Variants in FANCC observed in about 807,000 individuals in gnomAD.
FANCC encodes Fanconi anemia group C protein.
A neutral mutation model predicts 71.3 loss-of-function variants in FANCC; 55 were observed. The observed-to-expected ratio is 0.77, with a 90% CI of 0.62 to 0.97. The LOEUF is 0.97. Among genes scored for constraint, FANCC ranks in the 50% least tolerant of loss-of-function variants. FANCC has a pLI of 0.00. For missense variants in FANCC, 678 were observed against 670.9 expected (o/e 1.01, Z -0.12); for synonymous variants, 275 against 244.9 (o/e 1.12, Z -1.15).
intron 4 of FANCC, among the ~76,000 whole-genome samples, chr9:95,226,544 G>GCGCTGT (rs1425075849): frequency 6.6e-6 from 1 of 152,196 alleles, no homozygotes; most frequent in Non-Finnish European, 1.5e-5. Context: ...CTGCTGGGAT[G>GCGCTGT]CGCTGTCTCC....
chr9:95,129,144 A>T (rs1251415596), intron 8 of FANCC, among the ~76,000 whole-genome samples: 1 of 152,002 alleles, frequency 6.6e-6, no homozygotes, highest in Non-Finnish European at 1.5e-5. Flanking sequence ...CTCACTGAAA[A>T]AAAAGAAAAC....
intron 1 of FANCC, among the ~76,000 whole-genome samples, chr9:95,277,230 G>T (rs969248538): frequency 6.6e-6 from 1 of 152,300 alleles, no homozygotes; most frequent in Admixed American, 6.5e-5. Context: ...AAATCTGTCA[G>T]ATTTGCTTCA....
chr9:95,242,252 G>A (rs1017974698), intron 3 of FANCC, among the ~76,000 whole-genome samples: 14 of 151,990 alleles, frequency 9.2e-5, no homozygotes, highest in East Asian at 1.9e-4. Context: ...TTCAAGAGTC[G>A]TATAATTTAA....
intron 4 of FANCC, among the ~76,000 whole-genome samples, chr9:95,208,225 G>A (rs1828268882): frequency 6.6e-6 from 1 of 151,388 alleles, no homozygotes; most frequent in Non-Finnish European, 1.5e-5. Context: ...AGTCTCCTGA[G>A]TAGCTGGGAT....
chr9:95,111,206 T>C (rs1397459000), intron 13 of FANCC: 1 of 1,536,148 alleles, frequency 6.5e-7, no homozygotes, highest in African/African-American at 1.4e-5. Context: ...TCAAATGACC[T>C]TGGGGAAGAA....
chr9:95,303,947 G>A (rs1834914607), intron 1 of FANCC, among the ~76,000 whole-genome samples: 1 of 152,166 alleles, frequency 6.6e-6, no homozygotes, highest in African/African-American at 2.4e-5. Flanking sequence ...TTTCCAGATT[G>A]AAAGGGCTGA....
chr9:95,174,557 T>C (rs1285944473), intron 4 of FANCC, among the ~76,000 whole-genome samples: 1 of 151,966 alleles, frequency 6.6e-6, no homozygotes, highest in African/African-American at 2.4e-5. Context: ...TTTCTTCTTC[T>C]TTCTACTTAA....
intron 1 of FANCC, among the ~76,000 whole-genome samples, chr9:95,287,184 G>A (rs1323381222): frequency 1.3e-5 from 2 of 152,046 alleles, no homozygotes; most frequent in Non-Finnish European, 2.9e-5. Context: ...TACATATCAT[G>A]TACGAGATGG....
chr9:95,126,540 A>G lies in FANCC; in HGVS notation c.885T>C (p.Asp295=). 1 of 1,613,796 alleles carries G rather than the reference A, an allele frequency of 6.2e-7. No homozygotes were observed. Among genetic ancestry groups the G allele is most frequent in the Non-Finnish European group, 8.5e-7 (1 of 1,179,718 alleles). The change falls in exon 9 of 15, where the codon GAT becomes GAC. Residue 295 remains aspartate, a synonymous_variant. Coordinates refer to ENST00000289081, the MANE Select transcript of FANCC (RefSeq NM_000136.3). ...AGTGTAACGTTTACCTGAACATCTC[A>G]TCAACAACCCGGAATATGGCAGGGT... is the stretch of plus-strand genomic sequence containing the variant. ...ACHPAIFRVV[D]EMFRCALLET...
chr9:95,123,571 C>T (rs777464305), intron 10 of FANCC: 37 of 568,220 alleles, frequency 6.5e-5, no homozygotes, highest in Admixed American at 1.1e-4. Context: ...GCCGCGGCCA[C>T]GTGCAGCCTA....
intron 4 of FANCC, among the ~76,000 whole-genome samples, chr9:95,210,432 G>C (rs1162413608): frequency 6.6e-6 from 1 of 151,986 alleles, no homozygotes; most frequent in African/African-American, 2.4e-5. Flanking sequence ...ACCTTAATCA[G>C]AAACTCAGTT....
chr9:95,234,621 A>C (rs1467162170), intron 4 of FANCC, among the ~76,000 whole-genome samples: 1 of 152,234 alleles, frequency 6.6e-6, no homozygotes, highest in Non-Finnish European at 1.5e-5. Context: ...TGGAACTGGC[A>C]TAAATATAGT....
intron 4 of FANCC, among the ~76,000 whole-genome samples, chr9:95,182,913 A>G (rs1249501978): frequency 2.0e-5 from 3 of 152,036 alleles, no homozygotes; most frequent in Non-Finnish European, 4.4e-5. Context: ...GAAGGAGTAG[A>G]GAAAAAAGGT....
intron 4 of FANCC, among the ~76,000 whole-genome samples, chr9:95,180,062 T>C (rs1826245089): frequency 6.6e-6 from 1 of 152,238 alleles, no homozygotes; most frequent in African/African-American, 2.4e-5. Flanking sequence ...CTGAGCTTTA[T>C]CTTAATGCTT....
chr9:95,283,481 T>C (rs929310378), intron 1 of FANCC, among the ~76,000 whole-genome samples: 12 of 152,230 alleles, frequency 7.9e-5, no homozygotes, highest in East Asian at 5.8e-4. Flanking sequence ...TTACAGAGCA[T>C]TGACCAAATA....
intron 1 of FANCC, among the ~76,000 whole-genome samples, chr9:95,268,148 C>G (rs1832498702): frequency 6.6e-6 from 1 of 152,246 alleles, no homozygotes. Flanking sequence ...TCGTTTTATA[C>G]AACCCCTACA....
At chr9:95,125,257 A>G in intron 9 of FANCC, 72 bp from the exon 10 acceptor site, 5 of 1,238,422 alleles carry the variant, frequency 4.0e-6, no homozygotes, top group Non-Finnish European at 6.0e-6. Flanking sequence ...TGCACTGTAT[A>G]AGGGAAAAGT....
intron 1 of FANCC, chr9:95,293,831 G>A (rs1216679040): frequency 1.9e-6 from 3 of 1,612,860 alleles, no homozygotes; most frequent in African/African-American, 2.7e-5. Flanking sequence ...AAACCAGTGG[G>A]ATACAAAGTC....
intron 1 of FANCC, among the ~76,000 whole-genome samples, chr9:95,290,711 A>T (rs1360977856): frequency 6.6e-6 from 1 of 152,216 alleles, no homozygotes; most frequent in African/African-American, 2.4e-5. Flanking sequence ...GCAGACAGAG[A>T]TTATAAAAAG....
Sources: gnomAD v4.1 joint callset for allele counts (sites outside exome capture counted in the v4.1 genomes callset) on GRCh38, gnomAD v4.1.1 for gene constraint, MANE v1.5 for transcripts, NCBI Gene and HGNC (gene_info 2026-07-23, HGNC 2026-07-21) for gene names.